Variants in CDC42SE2 observed in about 807,000 individuals in gnomAD.
CDC42SE2 encodes CDC42 small effector 2.
In CDC42SE2, 3 loss-of-function variants were observed where a neutral mutation model predicts 11.5. The ratio of observed to expected loss-of-function variants is 0.26; its 90% CI spans 0.12 to 0.67. CDC42SE2 has a LOEUF of 0.67. Ranked by LOEUF, CDC42SE2 falls within the 30% of genes least tolerant of loss-of-function variation. The pLI is 0.80. For missense variants in CDC42SE2, 82 were observed against 106.8 expected (o/e 0.77, Z 1.02); for synonymous variants, 33 against 34.8 (o/e 0.95, Z 0.18).
chr5:131,309,690 C>G (rs376005460), intron 1 of CDC42SE2, among the ~76,000 whole-genome samples: 14 of 149,950 alleles, frequency 9.3e-5, no homozygotes, highest in East Asian at 5.8e-4. Context: ...TGTATGTGTC[C>G]AGGAATTTAT....
intron 1 of CDC42SE2, among the ~76,000 whole-genome samples, chr5:131,250,265 G>A (rs1440704653): frequency 6.6e-6 from 1 of 152,078 alleles, no homozygotes; most frequent in African/African-American, 2.4e-5. Context: ...ATAATCTGTG[G>A]TACATTTCAA....
Position 131,301,105 on chromosome 5 carries a change from A to T in CDC42SE2, c.-454-14871A>T, listed in dbSNP as rs1757669633. Among the ~76,000 whole-genome samples, 7 of 152,314 alleles carry T rather than the reference A, an allele frequency of 4.6e-5. 1 individual carries two copies. The South Asian group carries it at 1.5e-3, about 32-fold the overall frequency. On this transcript the variant is annotated intron_variant, in intron 1 of 4. Coordinates refer to ENST00000505065, the MANE Select transcript of CDC42SE2 (RefSeq NM_001375635.1). Reference sequence around the variant, plus strand: ...TTTGACCATACACAAAATACACATAAACTCTTAAATACTGTATTGTACACT... The same window carrying T: ...TTTGACCATACACAAAATACACATATACTCTTAAATACTGTATTGTACACT...
chr5:131,219,864 G>T, the CDC42SE2 span, among the ~76,000 whole-genome samples: 8 of 152,128 alleles, frequency 5.3e-5, no homozygotes, highest in African/African-American at 1.9e-4. Context: ...TTGAGCCCAG[G>T]GGGCAGAGGT....
At chr5:131,379,917 CT>C (rs1031678622) in intron 3 of CDC42SE2, among the ~76,000 whole-genome samples, 1 of 150,002 alleles carries the variant, frequency 6.7e-6, no homozygotes, top group Non-Finnish European at 1.5e-5. Flanking sequence ...CATGACTATT[CT>C]TTTTTTTTCT....
the CDC42SE2 span, among the ~76,000 whole-genome samples, chr5:131,212,559 T>C: frequency 2.1e-3 from 323 of 152,278 alleles, 1 homozygote; most frequent in African/African-American, 7.5e-3. Flanking sequence ...AAAACTTAGT[T>C]CTACTCTCTG....
At chr5:131,239,697 C>T in the CDC42SE2 span, among the ~76,000 whole-genome samples, 1 of 152,130 alleles carries the variant, frequency 6.6e-6, no homozygotes, top group African/African-American at 2.4e-5. Flanking sequence ...CACTGGGGTC[C>T]TGCATCAGTT....
chr5:131,362,990 A>AG (rs1749752967), intron 3 of CDC42SE2, among the ~76,000 whole-genome samples: 1 of 151,980 alleles, frequency 6.6e-6, no homozygotes, highest in African/African-American at 2.4e-5. Context: ...CTACTAAAAA[A>AG]AAAAATTAGC....
chr5:131,292,906 CAAAAAAAAAAAAA>C (rs869300653), intron 1 of CDC42SE2, among the ~76,000 whole-genome samples: 7 of 58,898 alleles, frequency 1.2e-4, no homozygotes, highest in South Asian at 6.6e-4. Flanking sequence ...GACCCTGTCT[CAAAAAAAAAAAAA>C]AAAAAAAAAA....
chr5:131,263,206 G>T (rs1756769337), upstream of CDC42SE2, among the ~76,000 whole-genome samples: 1 of 151,572 alleles, frequency 6.6e-6, no homozygotes, highest in South Asian at 2.1e-4. Context: ...AAGTGAAAAT[G>T]AGAGTATGAG....
chr5:131,240,921 C>T (rs1032092682), upstream of CDC42SE2, among the ~76,000 whole-genome samples: 3 of 152,012 alleles, frequency 2.0e-5, no homozygotes, highest in Non-Finnish European at 4.4e-5. Context: ...ACTTTAGTTT[C>T]CTGAATTTCC....
intron 3 of CDC42SE2, among the ~76,000 whole-genome samples, chr5:131,362,242 T>C (rs1301842334): frequency 3.3e-5 from 5 of 152,202 alleles, no homozygotes; most frequent in Non-Finnish European, 5.9e-5. Flanking sequence ...TGTTATTGTT[T>C]AATGAATACA....
the CDC42SE2 span, among the ~76,000 whole-genome samples, chr5:131,222,275 G>T: frequency 1.3e-5 from 2 of 152,158 alleles, no homozygotes; most frequent in Non-Finnish European, 2.9e-5. Flanking sequence ...GGAGTTCTTG[G>T]CCATCCAAAA....
chr5:131,326,954 A>G (rs1190710726), intron 2 of CDC42SE2, among the ~76,000 whole-genome samples: 2 of 152,002 alleles, frequency 1.3e-5, no homozygotes, highest in Non-Finnish European at 2.9e-5. Flanking sequence ...GTTGTGGTTC[A>G]TATTTGTTTG....
intron 2 of CDC42SE2, among the ~76,000 whole-genome samples, chr5:131,316,981 G>T (rs1290371383): frequency 1.3e-5 from 2 of 152,166 alleles, no homozygotes; most frequent in Non-Finnish European, 2.9e-5. Context: ...AAGTCAAGGG[G>T]TATGTTTATA....
chr5:131,220,459 C>T, the CDC42SE2 span, among the ~76,000 whole-genome samples: 1 of 152,166 alleles, frequency 6.6e-6, no homozygotes, highest in African/African-American at 2.4e-5. Context: ...CCCACCTCAG[C>T]TTCCCAAAGT....
intron 2 of CDC42SE2, among the ~76,000 whole-genome samples, chr5:131,323,547 GTTTTTTTT>G (rs1171213231): frequency 1.2e-4 from 10 of 82,582 alleles, no homozygotes; most frequent in Admixed American, 3.6e-4. Context: ...TCTCTCTCTG[GTTTTTTTT>G]TTTTTTTTTT....
At chr5:131,318,121 T>C (rs1012009040) in intron 2 of CDC42SE2, among the ~76,000 whole-genome samples, 3 of 152,230 alleles carry the variant, frequency 2.0e-5, no homozygotes, top group Middle Eastern at 3.4e-3. Flanking sequence ...ATATTTTTTG[T>C]AGAGACAGGG....
the CDC42SE2 span, among the ~76,000 whole-genome samples, chr5:131,216,528 T>C: frequency 1.6e-5 from 2 of 127,638 alleles, no homozygotes; most frequent in South Asian, 2.2e-4. Context: ...AAAAACATTA[T>C]AGACTATAAC....
At chr5:131,367,506 T>G (rs1203581474) in intron 3 of CDC42SE2, among the ~76,000 whole-genome samples, 1 of 152,178 alleles carries the variant, frequency 6.6e-6, no homozygotes, top group African/African-American at 2.4e-5. Flanking sequence ...TTAATGCTTG[T>G]TTTTTCACTT....
Sources: gnomAD v4.1 joint callset for allele counts (sites outside exome capture counted in the v4.1 genomes callset) on GRCh38, gnomAD v4.1.1 for gene constraint, MANE v1.5 for transcripts, NCBI Gene and HGNC (gene_info 2026-07-23, HGNC 2026-07-21) for gene names.